ATG2A: variants seen among roughly 807,000 people sequenced by gnomAD.
The protein encoded by ATG2A is autophagy related 2A.
In ATG2A, 103 loss-of-function variants were observed where a neutral mutation model predicts 214.2. The ratio of observed to expected loss-of-function variants is 0.48; its 90% CI spans 0.41 to 0.57. The LOEUF (loss-of-function observed/expected upper bound fraction) is 0.57. Among genes scored for constraint, ATG2A ranks in the 20% least tolerant of loss-of-function variants. ATG2A has a pLI of 0.00. For missense variants in ATG2A, 2,312 were observed against 2,613.2 expected (o/e 0.88, Z 2.51); for synonymous variants, 1,160 against 1,142.1 (o/e 1.02, Z -0.32).
intron 22 of ATG2A, 60 bp downstream of exon 22, chr11:64,906,053 T>A (rs1944534645): frequency 6.5e-7 from 1 of 1,529,696 alleles, no homozygotes; most frequent in East Asian, 2.5e-5. Context: ...AGAGACCTGC[T>A]TGCCCAAAAC....
At chr11:64,897,247 C>T in intron 37 of ATG2A, 165 bp downstream of exon 37, 1 of 791,740 alleles carries the variant, frequency 1.3e-6, no homozygotes, top group Non-Finnish European at 2.0e-6. Context: ...TCTCGAATGC[C>T]TGAATGTGTG....
intron 37 of ATG2A, 25 bp downstream of exon 37, chr11:64,897,387 A>G: frequency 6.4e-7 from 1 of 1,554,042 alleles, no homozygotes; most frequent in Non-Finnish European, 8.7e-7. Flanking sequence ...GACCCTGGAG[A>G]GAGGCTGGGG....
intron 30 of ATG2A, 21 bp downstream of exon 30, chr11:64,900,863 C>T: frequency 6.5e-7 from 1 of 1,546,148 alleles, no homozygotes; most frequent in Non-Finnish European, 8.7e-7. Flanking sequence ...CCAGCTGCCA[C>T]CTGCACCCGC....
In ATG2A at chr11:64,897,968, G is replaced by C; in HGVS notation, c.4865C>G (p.Pro1622Arg). 6.4e-7 allele frequency: 1 copy of C among 1,555,030 alleles called. No homozygotes were observed. The highest frequency in any genetic ancestry group is 1.2e-5 in the South Asian group (1 of 81,534). Residue 1622 changes from proline to arginine, a missense_variant, in exon 35 of 41, where the codon CCC (proline) becomes CGC (arginine). Physicochemically the swap from Pro to Arg is moderately radical, Grantham distance 103. Coordinates refer to ENST00000377264, the MANE Select transcript of ATG2A (RefSeq NM_015104.3). ...VPGETSAEAR[P>R]ETRAQPSSPL... ...GCTGCTGGGCTGGGCTCGAGTCTCG[G>C]GGCGAGCTAGGGGAGGGGAGGTCAC... is the stretch of plus-strand genomic sequence containing the variant.
rs760681191 is a variant in ATG2A at position 64,911,911 on chromosome 11, C to T, written c.1159G>A (p.Val387Ile). ...CTGCGCACAGAGGAGGCCAGGTCTA[C>T]ATCGGAGAGGGAGAGCTCAGAGAGG... ...SALSELSLSDVDLASSVRSDM... is the reference protein window; with the variant it reads ...SALSELSLSDIDLASSVRSDM... Residue 387 changes from valine (V) to isoleucine (I), a missense_variant, in exon 9 of 41, where the codon GTA becomes ATA. Transcript: ENST00000377264. 2 of 1,613,626 alleles carry T rather than the reference C, an allele frequency of 1.2e-6. No individual in the cohort carries two copies. Among genetic ancestry groups the T allele is most frequent in the Non-Finnish European group, 1.7e-6 (2 of 1,179,804 alleles).
chr11:64,904,003 G>A (rs1944451584), intron 24 of ATG2A, among the ~76,000 whole-genome samples: 1 of 152,040 alleles, frequency 6.6e-6, no homozygotes, highest in African/African-American at 2.4e-5. Flanking sequence ...CCCAGCACTT[G>A]GAGAGGCTGA....
chr11:64,905,760 G>A lies in ATG2A; in HGVS notation c.3353C>T (p.Ser1118Phe). 1.2e-6 allele frequency: 2 copies of A among 1,613,964 alleles called. No individual in the cohort carries two copies. Among genetic ancestry groups the A allele is most frequent in the Non-Finnish European group, 1.7e-6 (2 of 1,180,012 alleles). ...CTGGTACCTATAGTCCACAGAGCAG[G>A]AGAACAGGTGTGTGTGCAGGATGGT... ...VITILHTHLF[S>F]CSVDYRPLYL... is the part of the protein sequence containing the mutation. Residue 1118 changes from serine to phenylalanine, a missense_variant, in exon 23 of 41, where the codon TCC becomes TTC. Ser to Phe is a radical substitution (Grantham distance 155). Transcript: ENST00000377264.
At chr11:64,902,809 G>A in intron 26 of ATG2A, 129 bp from the exon 27 acceptor site, 2 of 803,798 alleles carry the variant, frequency 2.5e-6, no homozygotes, top group Non-Finnish European at 4.0e-6. Context: ...GTCTCTCCTG[G>A]AGTGGATGAC....
chr11:64,907,907 G>A lies in ATG2A; in HGVS notation c.2365-17C>T, dbSNP rs1412940774. 6.2e-7 allele frequency: 1 copy of A among 1,608,420 alleles called. No homozygotes were observed. Among genetic ancestry groups the A allele is most frequent in the Admixed American group, 1.7e-5 (1 of 59,222 alleles). ...GATCACCATCTGGACAGGGTGAGGT[G>A]GAAAGAGCAGGAGAGTCATCTTAGA... On this transcript the variant is annotated splice_polypyrimidine_tract_variant and intron_variant, in intron 16 of 40. Transcript: ENST00000377264.
At position 64,910,124 on chromosome 11, in the gene ATG2A, C is replaced by T. The variant is rs753940770; in HGVS notation, c.1779G>A (p.Ala593=). ...GGTCCAGGGCCCCCAGCTCCACGTCCGCCTGGAAGTTGGCCAGGTCCAGGG... is the reference window on the plus strand; with the variant it reads ...GGTCCAGGGCCCCCAGCTCCACGTCTGCCTGGAAGTTGGCCAGGTCCAGGG... The part of the protein sequence containing the change: ...ELALDLANFQ[A]DVELGALDRL... Residue 593 remains alanine (A), a synonymous_variant, in exon 13 of 41, where the codon GCG becomes GCA. Coordinates refer to ENST00000377264, the MANE Select transcript of ATG2A (RefSeq NM_015104.3). The T allele has an allele frequency of 4.2e-5, 67 of 1,611,866 alleles. No homozygotes were observed. The highest frequency in any genetic ancestry group is 1.1e-4 in the South Asian group (10 of 91,028).
intron 14 of ATG2A, 84 bp from the exon 15 acceptor site, chr11:64,909,451 T>C (rs1944679151): frequency 4.1e-6 from 6 of 1,452,398 alleles, no homozygotes; most frequent in East Asian, 2.3e-5. Flanking sequence ...CTCAGAGCTG[T>C]GCCCCCGACT....
In ATG2A at chr11:64,911,217, C is replaced by T. The variant is rs763452959; in HGVS notation, c.1287G>A (p.Met429Ile). 1 of 1,614,092 alleles carries T rather than the reference C, an allele frequency of 6.2e-7. No individual in the cohort carries two copies. The highest frequency in any genetic ancestry group is 8.5e-7 in the Non-Finnish European group (1 of 1,180,038). ...DTMRPDSLLK[M>I]TLGGVTLTLL... is the part of the protein sequence containing the mutation. Reference sequence around the variant, plus strand: ...AGGTCAGGGTCACACCCCCCAAGGTCATCTTCAGCAGCGAGTCAGGGCGCA... The same window carrying T: ...AGGTCAGGGTCACACCCCCCAAGGTTATCTTCAGCAGCGAGTCAGGGCGCA... Residue 429 changes from methionine to isoleucine, a missense_variant, in exon 10 of 41, where the codon ATG becomes ATA. Coordinates refer to ENST00000377264, the MANE Select transcript of ATG2A (RefSeq NM_015104.3).
chr11:64,903,248 C>G lies in ATG2A; in HGVS notation c.3612+40G>C, dbSNP rs368967269. On this transcript the variant is annotated intron_variant, in intron 26 of 40. Transcript: ENST00000377264. The surrounding 1 kb of genome is among the most constrained non-coding windows in gnomAD (Gnocchi z 4.2). The stretch of plus-strand genomic sequence containing the variant: ...CTGAAGACTCCCTTGGCCCCTGCAC[C>G]TGCTGTGGCTCCAGGAGCCAGAGTG... The G allele has an allele frequency of 2.3e-5, 36 of 1,598,246 alleles. No homozygotes were observed. Among genetic ancestry groups the G allele is most frequent in the Non-Finnish European group, 2.9e-5 (34 of 1,166,708 alleles).
Position 64,913,340 on chromosome 11 carries a change from G to C in ATG2A, c.652C>G (p.Gln218Glu), listed in dbSNP as rs772052823. Reference protein sequence around the residue: ...PSQAPPVDVHQPPAFLHKLLQ... With the variant: ...PSQAPPVDVHEPPAFLHKLLQ... The stretch of plus-strand genomic sequence containing the variant: ...AGCTTGTGCAGGAAGGCAGGCGGCT[G>C]ATGCACGTCCACCGGCGGCGCCTGG... The change falls in exon 5 of 41, where the codon CAG becomes GAG. Residue 218 changes from glutamine to glutamate, a missense_variant. Transcript: ENST00000377264. This position sits in a 1 kb window ranked among gnomAD's most constrained non-coding sequence, Gnocchi z 4.3. 3 of 1,606,330 alleles carry C rather than the reference G, an allele frequency of 1.9e-6. No individual in the cohort carries two copies. Among genetic ancestry groups the C allele is most frequent in the Non-Finnish European group, 2.5e-6 (3 of 1,177,530 alleles).
At position 64,895,137 on chromosome 11, in the gene ATG2A, C is replaced by A. The variant is rs1250197308; in HGVS notation, c.5653G>T (p.Ala1885Ser). Residue 1885 changes from alanine (A) to serine (S), a missense_variant, in exon 41 of 41, where the codon GCC becomes TCC. Physicochemically the swap from Ala to Ser is moderately conservative, Grantham distance 99 (BLOSUM62 1). Coordinates refer to ENST00000377264, the MANE Select transcript of ATG2A (RefSeq NM_015104.3). This position sits in a 1 kb window ranked among gnomAD's most constrained non-coding sequence, Gnocchi z 5.0. ...AGCTGGCGGATCACGCCCCCCACGG[C>A]GCCCGTCAGCCCCTTCTGCTCATGG... The part of the protein sequence containing the change: ...RGHEQKGLTG[A>S]VGGVIRQLPP... 2.5e-6 allele frequency: 4 copies of A among 1,612,966 alleles called. No individual in the cohort carries two copies. The African/African-American group carries it at 5.3e-5, about 22-fold the overall frequency.
At chr11:64,905,487 A>C (rs949244552) in intron 24 of ATG2A, 76 bp downstream of exon 24, 1 of 1,402,996 alleles carries the variant, frequency 7.1e-7, no homozygotes, top group African/African-American at 1.4e-5. Flanking sequence ...GACCGAGAGC[A>C]CCAGAGGACA....
At chr11:64,909,629 C>T (rs549662233) in intron 14 of ATG2A, 52 bp downstream of exon 14, 4 of 1,594,050 alleles carry the variant, frequency 2.5e-6, no homozygotes, top group African/African-American at 1.3e-5. Flanking sequence ...AAGCCCATCT[C>T]TCCCAGAAGC....
In ATG2A at chr11:64,895,026, CG is replaced by C; in HGVS notation, c.5763del (p.Asp1922ThrfsTer55). ...LLGGMRNQIV[P>X]DAHKDHALKW... is the part of the protein sequence containing the mutation. Reference sequence around the variant, plus strand: ...TTGAGGGCGTGGTCCTTGTGGGCGTCGGGGACAATCTGGTTGCGCATGCCCC... The same window carrying C: ...TTGAGGGCGTGGTCCTTGTGGGCGTCGGGACAATCTGGTTGCGCATGCCCC... On this transcript the variant is annotated frameshift_variant, in exon 41 of 41. Transcript: ENST00000377264. LOFTEE classifies it high-confidence loss of function. The surrounding 1 kb of genome is among the most constrained non-coding windows in gnomAD (Gnocchi z 5.0). The C allele has an allele frequency of 6.2e-7, 1 of 1,613,228 alleles. No individual in the cohort carries two copies. Among genetic ancestry groups the C allele is most frequent in the Non-Finnish European group, 8.5e-7 (1 of 1,179,572 alleles).
At chr11:64,915,925 C>T (rs147632654) in intron 1 of ATG2A, among the ~76,000 whole-genome samples, 2 of 152,150 alleles carry the variant, frequency 1.3e-5, no homozygotes, top group African/African-American at 4.8e-5. Context: ...GGGGGTGCCC[C>T]CAGTTCAGGG....
Sources: allele counts gnomAD v4.1 joint callset (sites outside exome capture counted in the v4.1 genomes callset), GRCh38; gene constraint gnomAD v4.1.1; non-coding constraint Gnocchi (gnomAD v3.1); transcripts MANE v1.5; gene names NCBI Gene and HGNC (gene_info 2026-07-23, HGNC 2026-07-21).